The following TNRC6C variants were observed in gnomAD, a reference collection of about 807,000 sequenced individuals.
The protein encoded by TNRC6C is trinucleotide repeat-containing gene 6C protein.
Under a neutral mutation model 153.7 loss-of-function variants are expected in TNRC6C, and 20 were observed. The observed-to-expected ratio is 0.13, with a 90% CI of 0.09 to 0.19. TNRC6C has a LOEUF of 0.19. Among genes scored for constraint, TNRC6C ranks in the 10% least tolerant of loss-of-function variants. The pLI is 1.00. For synonymous variants in TNRC6C, 811 were observed against 841.4 expected (o/e 0.96, Z 0.63); for missense variants, 1,987 against 2,172.0 (o/e 0.91, Z 1.69).
chr17:78,102,287 G>T (rs951933590), intron 17 of TNRC6C, among the ~76,000 whole-genome samples, 187 bp from the exon 21 acceptor site: 1 of 152,206 alleles, frequency 6.6e-6, no homozygotes, highest in African/African-American at 2.4e-5. Context: ...TGGGAAGGGG[G>T]TCTGCAGGGA....
At position 78,067,870 on chromosome 17, in the gene TNRC6C, A is replaced by G. The variant is rs2072913437; in HGVS notation, c.2725A>G (p.Ser909Gly). 3.7e-6 allele frequency: 6 copies of G among 1,613,792 alleles called. No individual in the cohort carries two copies. Among genetic ancestry groups the G allele is most frequent in the African/African-American group, 1.3e-5 (1 of 74,936 alleles). The change falls in exon 5 of 20, where the codon AGC (serine) becomes GGC (glycine). Residue 909 changes from serine (S) to glycine (G), a missense_variant. Physicochemically the swap from Ser to Gly is moderately conservative, Grantham distance 56 (BLOSUM62 0). Around this residue, in one of 4 missense-constraint regions of TNRC6C, gnomAD observed 765 missense variants for 908.6 expected, o/e 0.84. Transcript: ENST00000301624. The stretch of plus-strand genomic sequence containing the variant: ...GTGGAATAATGCTGCTTCCCAAGAA[A>G]GCACCTCCTCCTGCAGCTCCTGGGG...
intron 2 of TNRC6C, among the ~76,000 whole-genome samples, chr17:78,036,651 C>T (rs1475147774): frequency 1.3e-5 from 2 of 152,062 alleles, no homozygotes; most frequent in South Asian, 2.1e-4. Flanking sequence ...AGGCCGGGCG[C>T]GTTGGCTCAC....
exon 3 of TNRC6C, chr17:78,051,169 G>A: frequency 1.9e-6 from 3 of 1,578,046 alleles, no homozygotes; most frequent in Non-Finnish European, 2.6e-6. Flanking sequence ...CAAACAGAAG[G>A]ACAGCAGTGA....
chr17:78,076,816 C>A (rs1453647597), intron 8 of TNRC6C, among the ~76,000 whole-genome samples: 1 of 152,192 alleles, frequency 6.6e-6, no homozygotes. Flanking sequence ...TGGAATTCAA[C>A]CTAATGTACA....
upstream of TNRC6C, among the ~76,000 whole-genome samples, chr17:78,002,545 G>T (rs2071428722): frequency 6.6e-6 from 1 of 152,146 alleles, no homozygotes; most frequent in South Asian, 2.1e-4. Flanking sequence ...AAATATCTTT[G>T]AAAGTATATG....
At chr17:78,093,342 G>A (rs1400727661) in intron 15 of TNRC6C, 32 of 671,560 alleles carry the variant, frequency 4.8e-5, no homozygotes, top group South Asian at 3.7e-4. Context: ...TCAGCATGAG[G>A]AGTGGAAGGG....
chr17:78,017,655 A>G (rs1005683597), intron 1 of TNRC6C, among the ~76,000 whole-genome samples: 1 of 152,214 alleles, frequency 6.6e-6, no homozygotes. Context: ...AGGAGTATCC[A>G]TCCATGGAAC....
At chr17:78,010,625 A>G (rs1332718764) in intron 1 of TNRC6C, among the ~76,000 whole-genome samples, 1 of 152,230 alleles carries the variant, frequency 6.6e-6, no homozygotes, top group Non-Finnish European at 1.5e-5. Flanking sequence ...GTTTTCAAAT[A>G]AGGCTGAAGG....
At chr17:77,960,593 A>G (rs1452015932) in intron 1 of TNRC6C, among the ~76,000 whole-genome samples, 1 of 152,206 alleles carries the variant, frequency 6.6e-6, no homozygotes, top group African/African-American at 2.4e-5. Context: ...GGTGTTGGCA[A>G]TGATATTCAT....
chr17:78,082,626 C>T (rs1053506760), intron 10 of TNRC6C, among the ~76,000 whole-genome samples: 6 of 152,186 alleles, frequency 3.9e-5, no homozygotes, highest in African/African-American at 9.7e-5. Context: ...AAGATAAGGG[C>T]GTTTGTAACC....
chr17:78,070,969 T>C, intron 5 of TNRC6C, 116 bp from the exon 8 acceptor site: 1 of 1,003,408 alleles, frequency 1.0e-6, no homozygotes, highest in Non-Finnish European at 1.5e-6. Flanking sequence ...TCAATGTTAA[T>C]ACAAAAAGAT....
chr17:77,985,437 CAAA>C (rs764100636), intron 1 of TNRC6C, among the ~76,000 whole-genome samples: 1 of 128,136 alleles, frequency 7.8e-6, no homozygotes, highest in South Asian at 2.5e-4. Flanking sequence ...ACTAAAAATA[CAAA>C]AAAAAAAAAA....
chr17:77,988,400 C>T (rs1416649193), intron 1 of TNRC6C, among the ~76,000 whole-genome samples: 1 of 152,116 alleles, frequency 6.6e-6, no homozygotes, highest in Non-Finnish European at 1.5e-5. Flanking sequence ...CATTTTCCAG[C>T]TATTTATTTT....
rs756395093 is a variant in TNRC6C, at chr17:78,079,410, C to G, written c.3226C>G (p.Leu1076Val). 5 of 1,613,882 alleles carry G rather than the reference C, an allele frequency of 3.1e-6. No homozygotes were observed. In the Admixed American group the frequency reaches 6.7e-5, roughly 22 times the overall value. The change falls in exon 10 of 20, where the codon CTG becomes GTG. Residue 1076 changes from leucine to valine, a missense_variant. Leu to Val is a conservative substitution (Grantham distance 32). Transcript: ENST00000301624. The surrounding 1 kb of genome is among the most constrained non-coding windows in gnomAD (Gnocchi z 4.3). ...CCCTGTGCAGATACCGAGTGGCAAT[C>G]TGGGTATGTTTGGCAATAGTGGAGC...
At chr17:78,094,440 CTTTTTTT>C (rs199858938) in intron 16 of TNRC6C, among the ~76,000 whole-genome samples, 1 of 136,944 alleles carries the variant, frequency 7.3e-6, no homozygotes, top group Non-Finnish European at 1.6e-5. Flanking sequence ...TCTTTTGTTT[CTTTTTTT>C]TTTTTTTTTG....
chr17:78,081,692 C>T lies in TNRC6C; in HGVS notation c.3358-1355C>T, dbSNP rs929052188. Among the ~76,000 whole-genome samples, 33 of 152,292 alleles carry T rather than the reference C, an allele frequency of 2.2e-4. 1 individual carries two copies. The highest frequency in any genetic ancestry group is 3.4e-3 in the Middle Eastern group (1 of 294). On this transcript the variant is annotated intron_variant, in intron 10 of 19. Transcript: ENST00000301624. ...GTGCCGGTGGCCTTGAAATTGTACACACCACTTCCAGTCACATCCCACTGC... is the reference window on the plus strand; with the variant it reads ...GTGCCGGTGGCCTTGAAATTGTACATACCACTTCCAGTCACATCCCACTGC...
At chr17:78,030,249 A>G in intron 1 of TNRC6C, among the ~76,000 whole-genome samples, 1 of 151,980 alleles carries the variant, frequency 6.6e-6, no homozygotes, top group Non-Finnish European at 1.5e-5. Flanking sequence ...TCCCGGGTTC[A>G]AGCAATTCTC....
chr17:78,071,051 C>A, intron 5 of TNRC6C, 34 bp from the exon 8 acceptor site: 1 of 1,566,530 alleles, frequency 6.4e-7, no homozygotes. Flanking sequence ...AAATGTAGCT[C>A]ATGGACTTCC....
chr17:78,067,703 A>G, intron 4 of TNRC6C, 54 bp from the exon 7 acceptor site: 1 of 1,513,590 alleles, frequency 6.6e-7, no homozygotes, highest in Non-Finnish European at 8.8e-7. Context: ...CAGTGGAAGC[A>G]TTGTCTGCGT....
Sources: allele counts gnomAD v4.1 joint callset (sites outside exome capture counted in the v4.1 genomes callset), GRCh38; gene constraint gnomAD v4.1.1; regional missense constraint gnomAD v4.1.1; non-coding constraint Gnocchi (gnomAD v3.1); transcripts MANE v1.5; gene names NCBI Gene and HGNC (gene_info 2026-07-23, HGNC 2026-07-21).